Variants in TBKBP1 observed in about 807,000 individuals in gnomAD.
TBKBP1 encodes the protein TANK-binding kinase 1-binding protein 1.
A neutral mutation model predicts 69.9 loss-of-function variants in TBKBP1; 47 were observed. The observed-to-expected ratio is 0.67, with a 90% CI of 0.53 to 0.86. The LOEUF (loss-of-function observed/expected upper bound fraction) is 0.86, where lower values mean the gene tolerates loss of function less well. Ranked by LOEUF, TBKBP1 falls within the 40% of genes least tolerant of loss-of-function variation. The pLI is 0.00. For missense variants in TBKBP1, 831 were observed against 858.6 expected (o/e 0.97, Z 0.40); for synonymous variants, 418 against 390.3 (o/e 1.07, Z -0.84).
intron 9 of TBKBP1, among the ~76,000 whole-genome samples, 175 bp from the exon 10 acceptor site, chr17:47,710,323 C>T (rs1348432010): frequency 6.6e-6 from 1 of 152,128 alleles, no homozygotes; most frequent in Non-Finnish European, 1.5e-5. Flanking sequence ...TGTCCCTGGG[C>T]AGGGGGGTGG....
At position 47,708,567 on chromosome 17, in the gene TBKBP1, A is replaced by G. The variant is rs2031781220; in HGVS notation, c.991+55A>G. The G allele has an allele frequency of 1.9e-6, 3 of 1,577,632 alleles. No homozygotes were observed. Among genetic ancestry groups the G allele is most frequent in the South Asian group, 2.2e-5 (2 of 89,818 alleles). On this transcript the variant is annotated intron_variant, in intron 8 of 9. Transcript: ENST00000578982. This position sits in a 1 kb window ranked among gnomAD's most constrained non-coding sequence, Gnocchi z 4.4. ...CCGCGGGACCCGGGAAGGAGCGGGT[A>G]GCCATGGCAACCATCTTGGTCATGG...
intron 1 of TBKBP1, chr17:47,694,567 G>C (rs62074055): frequency 0.49 from 74,115 of 151,912 alleles, 18,498 homozygotes; most frequent in African/African-American, 0.55. Flanking sequence ...GAGGGGCCCG[G>C]GCCGACAGAG....
intron 1 of TBKBP1, chr17:47,694,538 G>T (rs2031127428): frequency 6.6e-6 from 1 of 152,162 alleles, no homozygotes. Flanking sequence ...TTAAAGGGCG[G>T]CTCTTAAAGG....
Position 47,710,591 on chromosome 17 carries a change from C to T in TBKBP1, c.1813C>T (p.His605Tyr). The T allele has an allele frequency of 1.2e-6, 2 of 1,611,140 alleles. No homozygotes were observed. The highest frequency in any genetic ancestry group is 1.7e-6 in the Non-Finnish European group (2 of 1,177,872). Residue 605 changes from histidine (H) to tyrosine (Y), a missense_variant, in exon 10 of 10, where the codon CAC (histidine) becomes TAC (tyrosine). Transcript: ENST00000578982. ...GTACCCGGATGATGCCCTCATCAAA[C>T]ACATTGACTCCCACCTGGAGAACAG... Reference protein sequence around the residue: ...VGYPDDALIKHIDSHLENSKI With the variant: ...VGYPDDALIKYIDSHLENSKI
chr17:47,711,304 A>T lies in TBKBP1; in HGVS notation c.*678A>T, dbSNP rs1358058886. 6.5e-6 allele frequency: 1 copy of T among 152,894 alleles called. No individual in the cohort carries two copies. Among genetic ancestry groups the T allele is most frequent in the South Asian group, 2.1e-4 (1 of 4,834 alleles). 9.5% of individuals were successfully genotyped at this position (152,894 alleles called of 1,614,324 possible). On this transcript the variant is annotated 3_prime_UTR_variant, in exon 10 of 10. Transcript: ENST00000578982. ...CTGGAGGACTGGGAAGATCTAGCCTAAAGAGGCTTCTCTGAGGGCCAGGGC... is the reference window on the plus strand; with the variant it reads ...CTGGAGGACTGGGAAGATCTAGCCTTAAGAGGCTTCTCTGAGGGCCAGGGC...
intron 7 of TBKBP1, among the ~76,000 whole-genome samples, chr17:47,701,650 TGGGAG>T (rs1033333892): frequency 6.6e-6 from 1 of 152,054 alleles, no homozygotes; most frequent in African/African-American, 2.4e-5. Flanking sequence ...TGCTGAGAGA[TGGGAG>T]AGGAAGGTGA....
rs747843540 is a variant in TBKBP1 at position 47,699,314 on chromosome 17, C to T, written c.635-6C>T. 1.7e-5 allele frequency: 26 copies of T among 1,519,270 alleles called. 2 individuals are homozygous for T. The highest frequency in any genetic ancestry group is 6.7e-5 in the Admixed American group (3 of 44,854). The allele number at this position is 1,519,270 out of a possible 1,614,324, so 94.1% of individuals were successfully genotyped here. ...GCTCGCCTGACGTTGTCCTGTCCAC[C>T]GACAGCAGGCTGGCCGGGCTCCACA... On this transcript the variant is annotated splice_polypyrimidine_tract_variant and splice_region_variant and intron_variant, in intron 5 of 9. Coordinates refer to ENST00000578982, the MANE Select transcript of TBKBP1 (RefSeq NM_001394755.1).
chr17:47,699,315 G>C lies in TBKBP1; in HGVS notation c.635-5G>C, dbSNP rs1326155102. The C allele has an allele frequency of 2.0e-6, 3 of 1,520,192 alleles. No homozygotes were observed. Among genetic ancestry groups the C allele is most frequent in the African/African-American group, 1.4e-5 (1 of 71,706 alleles). The allele number at this position is 1,520,192 out of a possible 1,614,324, so 94.2% of individuals were successfully genotyped here. On this transcript the variant is annotated splice_polypyrimidine_tract_variant and splice_region_variant and intron_variant, in intron 5 of 9. Transcript: ENST00000578982. ...CTCGCCTGACGTTGTCCTGTCCACC[G>C]ACAGCAGGCTGGCCGGGCTCCACAC...
At position 47,709,417 on chromosome 17, in the gene TBKBP1, C is replaced by T. The variant is rs1388515153; in HGVS notation, c.1684C>T (p.His562Tyr). 2 of 1,541,714 alleles carry T rather than the reference C, an allele frequency of 1.3e-6. No individual in the cohort carries two copies. The highest frequency in any genetic ancestry group is 4.9e-5 in the East Asian group (2 of 40,738). The stretch of plus-strand genomic sequence containing the variant: ...GTCGCCCGCCGCCACCGCCTACGCC[C>T]ACGCCGAGCACGCGCAGTCCTGGCC... ...PESPAATAYA[H>Y]AEHAQSWPSI... Residue 562 changes from histidine (H) to tyrosine (Y), a missense_variant, in exon 9 of 10, where the codon CAC (histidine) becomes TAC (tyrosine). By Grantham distance (83) the His-to-Tyr change is moderately conservative. Coordinates refer to ENST00000578982, the MANE Select transcript of TBKBP1 (RefSeq NM_001394755.1).
Position 47,708,917 on chromosome 17 carries a change from T to A in TBKBP1, c.1184T>A (p.Val395Asp). The change falls in exon 9 of 10, where the codon GTC becomes GAC. Residue 395 changes from valine (V) to aspartate (D), a missense_variant. Coordinates refer to ENST00000578982, the MANE Select transcript of TBKBP1 (RefSeq NM_001394755.1). The surrounding 1 kb of genome is among the most constrained non-coding windows in gnomAD (Gnocchi z 4.4). ...GCCTCACCCTCCTGCCCGTCGCCCG[T>A]CCCGCAGCGCCGCTCGCCGGTGCCG... ...SPASPSCPSPVPQRRSPVPPS... is the reference protein window; with the variant it reads ...SPASPSCPSPDPQRRSPVPPS... The A allele has an allele frequency of 7.4e-7, 1 of 1,342,920 alleles. No individual in the cohort carries two copies. Among genetic ancestry groups the A allele is most frequent in the South Asian group, 1.4e-5 (1 of 69,126 alleles). The allele number at this position is 1,342,920 out of a possible 1,614,324, so 83.2% of individuals were successfully genotyped here.
chr17:47,705,213 G>C (rs991891581), intron 7 of TBKBP1, among the ~76,000 whole-genome samples: 8 of 152,162 alleles, frequency 5.3e-5, no homozygotes, highest in African/African-American at 1.7e-4. Flanking sequence ...GTTATAGCAT[G>C]ATGGTCAGTA....
chr17:47,700,811 G>C (rs958568392), intron 7 of TBKBP1, among the ~76,000 whole-genome samples: 1 of 152,066 alleles, frequency 6.6e-6, no homozygotes, highest in African/African-American at 2.4e-5. Context: ...TTGGTGGGGG[G>C]CCCAGTGCTG....
rs2031801677 is a variant in TBKBP1, at chr17:47,708,916, G to A, written c.1183G>A (p.Val395Ile). The change falls in exon 9 of 10, where the codon GTC (valine) becomes ATC (isoleucine). Residue 395 changes from valine (V) to isoleucine (I), a missense_variant. Transcript: ENST00000578982. The surrounding 1 kb of genome is among the most constrained non-coding windows in gnomAD (Gnocchi z 4.4). ...GGCCTCACCCTCCTGCCCGTCGCCC[G>A]TCCCGCAGCGCCGCTCGCCGGTGCC... ...SPASPSCPSPVPQRRSPVPPS... is the reference protein window; with the variant it reads ...SPASPSCPSPIPQRRSPVPPS... 2 of 1,346,496 alleles carry A rather than the reference G, an allele frequency of 1.5e-6. No homozygotes were observed. Among genetic ancestry groups the A allele is most frequent in the Middle Eastern group, 2.8e-4 (1 of 3,544 alleles). The allele number at this position is 1,346,496 out of a possible 1,614,324, so 83.4% of individuals were successfully genotyped here. A position where few individuals can be genotyped will look rare whatever the true frequency, so the allele number is the denominator to read the frequency against.
At chr17:47,694,114 G>A (rs2031104267), upstream of TBKBP1, 1 of 133,892 alleles carries the variant, frequency 7.5e-6, no homozygotes, top group Non-Finnish European at 1.6e-5. Context: ...GTACCAGGGG[G>A]GTGGGGGCAC....
chr17:47,698,599 C>T lies in TBKBP1; in HGVS notation c.458C>T (p.Ala153Val), dbSNP rs1181101100. ...DLETELREMR[A>V]LVETHLRQIC... ...CCCCTCTGTCTCTCTCTCCAGAGGG[C>T]CCTGGTGGAGACGCACCTGCGTCAG... The change falls in exon 5 of 10, where the codon GCC becomes GTC. Residue 153 changes from alanine to valine, a missense_variant. Coordinates refer to ENST00000578982, the MANE Select transcript of TBKBP1 (RefSeq NM_001394755.1). 6.3e-7 allele frequency: 1 copy of T among 1,588,392 alleles called. No individual in the cohort carries two copies. Among genetic ancestry groups the T allele is most frequent in the South Asian group, 1.1e-5 (1 of 87,108 alleles).
rs1181167256 is a variant in TBKBP1, at chr17:47,709,216, G to A, written c.1483G>A (p.Glu495Lys). The change falls in exon 9 of 10, where the codon GAG (glutamate) becomes AAG (lysine). Residue 495 changes from glutamate (E) to lysine (K), a missense_variant. Glu to Lys is a moderately conservative substitution (Grantham distance 56). Coordinates refer to ENST00000578982, the MANE Select transcript of TBKBP1 (RefSeq NM_001394755.1). ...CCCCAAGCCCCGGGCCTACGGCAGCGAGCTCTACGGCCCTGGCAGGCCCCT... is the reference window on the plus strand; with the variant it reads ...CCCCAAGCCCCGGGCCTACGGCAGCAAGCTCTACGGCCCTGGCAGGCCCCT... ...TLPKPRAYGS[E>K]LYGPGRPLSP... 3 of 1,520,384 alleles carry A rather than the reference G, an allele frequency of 2.0e-6. No homozygotes were observed. 94.2% of individuals were successfully genotyped at this position (1,520,384 alleles called of 1,614,324 possible). A position where few individuals can be genotyped will look rare whatever the true frequency, so the allele number is the denominator to read the frequency against.
At chr17:47,704,717 G>A (rs1306014563) in intron 7 of TBKBP1, among the ~76,000 whole-genome samples, 5 of 152,104 alleles carry the variant, frequency 3.3e-5, no homozygotes, top group Non-Finnish European at 7.4e-5. Context: ...CACAATCTTG[G>A]CCACGTGCTA....
In TBKBP1 at chr17:47,709,179, A is replaced by C. The variant is rs1443080298; in HGVS notation, c.1446A>C (p.Glu482Asp). ...AGASPPWLQAEAATLPKPRAY... is the reference protein window; with the variant it reads ...AGASPPWLQADAATLPKPRAY... ...CCTCCCCGCCCTGGCTGCAGGCCGA[A>C]GCGGCCACTCTCCCCAAGCCCCGGG... The change falls in exon 9 of 10, where the codon GAA becomes GAC. Residue 482 changes from glutamate (E) to aspartate (D), a missense_variant. Transcript: ENST00000578982. 7.5e-6 allele frequency: 11 copies of C among 1,475,088 alleles called. No individual in the cohort carries two copies. Among genetic ancestry groups the C allele is most frequent in the Non-Finnish European group, 9.8e-6 (11 of 1,121,966 alleles). The allele number at this position is 1,475,088 out of a possible 1,614,324, so 91.4% of individuals were successfully genotyped here. A position where few individuals can be genotyped will look rare whatever the true frequency, so the allele number is the denominator to read the frequency against.
intron 7 of TBKBP1, 81 bp downstream of exon 7, chr17:47,699,778 G>A: frequency 6.5e-7 from 1 of 1,535,200 alleles, no homozygotes; most frequent in Non-Finnish European, 9.0e-7. Context: ...TGGTGTCTGG[G>A]CTGCTGTTGC....
Sources: allele counts gnomAD v4.1 joint callset (sites outside exome capture counted in the v4.1 genomes callset), GRCh38; gene constraint gnomAD v4.1.1; non-coding constraint Gnocchi (gnomAD v3.1); transcripts MANE v1.5; gene names NCBI Gene and HGNC (gene_info 2026-07-23, HGNC 2026-07-21).